DDX31: variants seen among roughly 807,000 people sequenced by gnomAD.
DDX31 encodes DEAD-box helicase 31.
A neutral mutation model predicts 91.3 loss-of-function variants in DDX31; 70 were observed. The ratio of observed to expected loss-of-function variants is 0.77; its 90% CI spans 0.63 to 0.94. The LOEUF (loss-of-function observed/expected upper bound fraction) is 0.94, where lower values mean the gene tolerates loss of function less well. DDX31 is among the 40% of genes least tolerant of loss of function. The pLI is 0.00. For missense variants in DDX31, 902 were observed against 925.0 expected (o/e 0.98, Z 0.32); for synonymous variants, 362 against 350.6 (o/e 1.03, Z -0.36).
intron 18 of DDX31, among the ~76,000 whole-genome samples, chr9:132,616,018 T>C (rs191318629): frequency 2.6e-5 from 4 of 152,362 alleles, no homozygotes; most frequent in East Asian, 1.9e-4. Flanking sequence ...CATATGCAGA[T>C]TGAAATGCAA....
intron 18 of DDX31, among the ~76,000 whole-genome samples, chr9:132,615,747 C>T (rs1359938042): frequency 1.3e-5 from 2 of 152,148 alleles, no homozygotes; most frequent in African/African-American, 2.4e-5. Context: ...TGTTACCACT[C>T]GTTTTACAAC....
chr9:132,656,428 C>G (rs1030112842), intron 6 of DDX31, among the ~76,000 whole-genome samples: 1 of 152,192 alleles, frequency 6.6e-6, no homozygotes, highest in African/African-American at 2.4e-5. Context: ...CACTGCCCCT[C>G]CAACTAGCCA....
Position 132,658,632 on chromosome 9 carries a change from C to T in DDX31, c.588+39G>A, listed in dbSNP as rs756123851. 9 of 1,565,840 alleles carry T rather than the reference C, an allele frequency of 5.7e-6. No homozygotes were observed. In the Admixed American group the frequency reaches 1.4e-4, roughly 24 times the overall value. On this transcript the variant is annotated intron_variant, in intron 6 of 19. Coordinates refer to ENST00000372159, the MANE Select transcript of DDX31 (RefSeq NM_022779.9). ...TGCTTCAGTTTGATGGTTGCTTATG[C>T]ACTATGAGCAATGACAGAAAAACAC...
chr9:132,632,276 A>ACACACACACACACACACAGTCCTG (rs1832829575), intron 14 of DDX31, among the ~76,000 whole-genome samples, 185 bp from the exon 15 acceptor site: 1 of 148,144 alleles, frequency 6.8e-6, no homozygotes, highest in Admixed American at 6.7e-5. Flanking sequence ...ACACACACAC[A>ACACACACACACACACACAGTCCTG]CACACACACA....
chr9:132,635,080 T>C (rs1236247071), intron 14 of DDX31, among the ~76,000 whole-genome samples: 1 of 152,192 alleles, frequency 6.6e-6, no homozygotes, highest in African/African-American at 2.4e-5. Flanking sequence ...TTCCTCATGG[T>C]AAGGTTGCGG....
chr9:132,654,523 G>GA (rs1454507844), intron 6 of DDX31, among the ~76,000 whole-genome samples: 1 of 152,216 alleles, frequency 6.6e-6, no homozygotes, highest in Non-Finnish European at 1.5e-5. Flanking sequence ...TGAGACAGGA[G>GA]AATCTCTTGA....
At chr9:132,656,125 A>C (rs1834547068) in intron 6 of DDX31, among the ~76,000 whole-genome samples, 1 of 152,198 alleles carries the variant, frequency 6.6e-6, no homozygotes, top group African/African-American at 2.4e-5. Context: ...AGCCAAAATA[A>C]CTGAAGAGTG....
chr9:132,658,159 G>C, intron 6 of DDX31: 1 of 615,372 alleles, frequency 1.6e-6, no homozygotes, highest in Non-Finnish European at 2.9e-6. Flanking sequence ...GGAAGACACA[G>C]ATGCATGGCC....
rs775355822 is a variant in DDX31 at position 132,648,426 on chromosome 9, G to A, written c.860+6C>T. 5.3e-5 allele frequency: 85 copies of A among 1,612,706 alleles called. No homozygotes were observed. Among genetic ancestry groups the A allele is most frequent in the Non-Finnish European group, 7.0e-5 (82 of 1,179,608 alleles). On this transcript the variant is annotated splice_donor_region_variant and intron_variant, in intron 10 of 19. Coordinates refer to ENST00000372159, the MANE Select transcript of DDX31 (RefSeq NM_022779.9). ...CTACCTGTTATCATCCTGGGACGAG[G>A]CTCACCTGTCTGCTTCATCAAACAC...
intron 19 of DDX31, among the ~76,000 whole-genome samples, chr9:132,607,174 G>A (rs1296662261): frequency 1.3e-5 from 2 of 152,228 alleles, no homozygotes; most frequent in Non-Finnish European, 2.9e-5. Flanking sequence ...GCCACAGGGT[G>A]CGCTGGTTCT....
chr9:132,641,652 G>A (rs1833511250), intron 14 of DDX31, among the ~76,000 whole-genome samples: 1 of 152,196 alleles, frequency 6.6e-6, no homozygotes, highest in Non-Finnish European at 1.5e-5. Flanking sequence ...GGTAAGCAGA[G>A]GCAATCAGAG....
chr9:132,654,945 C>CA (rs140953433), intron 6 of DDX31, among the ~76,000 whole-genome samples: 45,550 of 89,824 alleles, frequency 0.51, 9,774 homozygotes, highest in East Asian at 0.63. Context: ...GACTCTGTCT[C>CA]AAAAAAAAAA....
intron 19 of DDX31, among the ~76,000 whole-genome samples, chr9:132,598,204 T>C (rs574793077): frequency 6.6e-6 from 1 of 152,270 alleles, no homozygotes; most frequent in Admixed American, 6.5e-5. Context: ...CCTGTCTCCT[T>C]TTCCTTTGTT....
At chr9:132,626,958 A>G (rs1756295162) in intron 16 of DDX31, among the ~76,000 whole-genome samples, 1 of 152,068 alleles carries the variant, frequency 6.6e-6, no homozygotes, top group Non-Finnish European at 1.5e-5. Context: ...CCCTGACTTC[A>G]TGGGAAATCT....
Position 132,668,762 on chromosome 9 carries a change from G to A in DDX31, c.75+1098C>T, listed in dbSNP as rs561993559. Among the ~76,000 whole-genome samples the A allele has an allele frequency of 5.2e-4, 79 of 152,178 alleles. No homozygotes were observed. In the South Asian group the frequency reaches 0.013, roughly 24 times the overall value. ...TTTTGTATTTTTAGTAGAGACGGGG[G>A]TTTCATCTTGTTAGCCAGGATGGTC... On this transcript the variant is annotated intron_variant, in intron 1 of 19. Coordinates refer to ENST00000372159, the MANE Select transcript of DDX31 (RefSeq NM_022779.9).
intron 18 of DDX31, among the ~76,000 whole-genome samples, chr9:132,613,882 G>A (rs375942039): frequency 6.6e-6 from 1 of 152,098 alleles, no homozygotes; most frequent in African/African-American, 2.4e-5. Context: ...GTGTCCACCC[G>A]CTTCTCACTC....
At chr9:132,650,566 T>C (rs1468597764) in intron 8 of DDX31, among the ~76,000 whole-genome samples, 1 of 152,216 alleles carries the variant, frequency 6.6e-6, no homozygotes. Flanking sequence ...CTTGCCTTTC[T>C]TTTCCCACAG....
rs535237366 is a variant in DDX31, at chr9:132,626,714, C to T, written c.1632-969G>A. Among the ~76,000 whole-genome samples, 3 of 151,904 alleles carry T rather than the reference C, an allele frequency of 2.0e-5. No individual in the cohort carries two copies. The South Asian group carries it at 6.3e-4, about 32-fold the overall frequency. On this transcript the variant is annotated intron_variant, in intron 16 of 19. Transcript: ENST00000372159. ...CTTAGGTGGGAGAAGACAATTCTCCCCCTTTCACCCAAAGGTTACTCTGAC... is the reference window on the plus strand; with the variant it reads ...CTTAGGTGGGAGAAGACAATTCTCCTCCTTTCACCCAAAGGTTACTCTGAC...
At position 132,630,296 on chromosome 9, in the gene DDX31, T is replaced by C. The variant is rs773634176; in HGVS notation, c.1599A>G (p.Glu533=). The C allele has an allele frequency of 1.3e-6, 2 of 1,588,808 alleles. No individual in the cohort carries two copies. Among genetic ancestry groups the C allele is most frequent in the South Asian group, 2.2e-5 (2 of 89,734 alleles). The change falls in exon 16 of 20, where the codon GAA becomes GAG. Residue 533 remains glutamate (E), a synonymous_variant. Coordinates refer to ENST00000372159, the MANE Select transcript of DDX31 (RefSeq NM_022779.9). ...TGTGAGAAGCCAACGAGTTGACATATTCTGCCTCCGAAGGAGCCAAAATGA... is the reference window on the plus strand; with the variant it reads ...TGTGAGAAGCCAACGAGTTGACATACTCTGCCTCCGAAGGAGCCAAAATGA... ...SLLILAPSEA[E]YVNSLASHKI...
Sources: allele counts gnomAD v4.1 joint callset (sites outside exome capture counted in the v4.1 genomes callset), GRCh38; gene constraint gnomAD v4.1.1; transcripts MANE v1.5; gene names NCBI Gene and HGNC (gene_info 2026-07-23, HGNC 2026-07-21).